Variants in CAST observed in about 807,000 individuals in gnomAD.
The protein encoded by CAST is calpastatin.
A neutral mutation model predicts 119.6 loss-of-function variants in CAST; 76 were observed. The ratio of observed to expected loss-of-function variants is 0.64; its 90% CI spans 0.53 to 0.77. The LOEUF (loss-of-function observed/expected upper bound fraction) is 0.77, where lower values mean the gene tolerates loss of function less well. Among genes scored for constraint, CAST ranks in the 30% least tolerant of loss-of-function variants. The pLI is 0.00. For synonymous variants in CAST, 319 were observed against 331.6 expected (o/e 0.96, Z 0.41); for missense variants, 953 against 946.5 (o/e 1.01, Z -0.09).
At chr5:96,279,005 A>C in the CAST span, among the ~76,000 whole-genome samples, 2 of 152,274 alleles carry the variant, frequency 1.3e-5, no homozygotes, top group Non-Finnish European at 2.9e-5. Flanking sequence ...TATTAATGCT[A>C]TATCAGAAGG....
intron 1 of CAST, among the ~76,000 whole-genome samples, chr5:96,603,723 GTAT>G (rs1303503646): frequency 8.2e-5 from 12 of 145,476 alleles, no homozygotes; most frequent in Non-Finnish European, 1.5e-4. Context: ...TCATTATCAA[GTAT>G]TATGTACTGT....
the CAST span, among the ~76,000 whole-genome samples, chr5:96,086,476 A>G: frequency 6.6e-6 from 1 of 152,234 alleles, no homozygotes; most frequent in South Asian, 2.1e-4. Context: ...AATCTTTACC[A>G]GGGTGCATTG....
chr5:96,386,588 G>A, the CAST span, among the ~76,000 whole-genome samples: 1 of 152,146 alleles, frequency 6.6e-6, no homozygotes, highest in African/African-American at 2.4e-5. Flanking sequence ...TCTAAAGTCC[G>A]TTTTGTTTTC....
At chr5:96,120,750 A>G in the CAST span, among the ~76,000 whole-genome samples, 1 of 148,440 alleles carries the variant, frequency 6.7e-6, no homozygotes, top group Non-Finnish European at 1.5e-5. Context: ...AATAATATAC[A>G]TACATATATA....
rs534791326 is a variant in CAST at position 96,619,021 on chromosome 5, A to G, written c.61-56518A>G. 5.3e-5 allele frequency among the ~76,000 whole-genome samples: 8 copies of G among 152,328 alleles called. No individual in the cohort carries two copies. The East Asian group carries it at 1.5e-3, about 29-fold the overall frequency. On this transcript the variant is annotated intron_variant, in intron 1 of 11. Coordinates refer to the CAST transcript ENST00000505143. ...TATCTAGCTTGGGGTTCATGGATGC[A>G]TCAGTCAGCACTCTGTGTCTAGCTA...
At chr5:96,245,378 A>G in the CAST span, among the ~76,000 whole-genome samples, 1 of 152,220 alleles carries the variant, frequency 6.6e-6, no homozygotes, top group Non-Finnish European at 1.5e-5. Context: ...CTATAGTCAA[A>G]GCTGGCAACC....
intron 2 of CAST, among the ~76,000 whole-genome samples, chr5:96,676,913 G>T (rs946263274): frequency 6.6e-6 from 1 of 151,568 alleles, no homozygotes; most frequent in Non-Finnish European, 1.5e-5. Flanking sequence ...AATTATCTGG[G>T]CGTGGTGGTG....
At chr5:96,187,308 G>T in the CAST span, among the ~76,000 whole-genome samples, 3 of 151,620 alleles carry the variant, frequency 2.0e-5, no homozygotes, top group African/African-American at 7.3e-5. Context: ...CTCCTGATTT[G>T]TTGATTTTTG....
At chr5:96,696,401 T>TG (rs1404394570) in intron 3 of CAST, 1 of 152,240 alleles carries the variant, frequency 6.6e-6, no homozygotes, top group African/African-American at 2.4e-5. Context: ...GCCAGTAAGA[T>TG]GGAGATAGGG....
the CAST span, among the ~76,000 whole-genome samples, chr5:96,331,304 T>C: frequency 6.6e-6 from 1 of 152,186 alleles, no homozygotes. Context: ...TCTTGTTCCC[T>C]TTCTTACACA....
chr5:96,451,565 T>C, the CAST span, among the ~76,000 whole-genome samples: 2 of 152,192 alleles, frequency 1.3e-5, no homozygotes, highest in Non-Finnish European at 2.9e-5. Flanking sequence ...GGCAATACCA[T>C]TCAGGACATA....
At chr5:96,395,664 A>T in the CAST span, among the ~76,000 whole-genome samples, 2 of 152,162 alleles carry the variant, frequency 1.3e-5, no homozygotes, top group African/African-American at 4.8e-5. Flanking sequence ...AAGGGGAGGG[A>T]TAGCATTAGG....
chr5:96,754,918 A>C, intron 22 of CAST, 177 bp downstream of exon 22: 1 of 442,724 alleles, frequency 2.3e-6, no homozygotes. Flanking sequence ...AAGCTAAAAT[A>C]TTCCTAAGTA....
chr5:96,560,101 A>G (rs1161266915), intron 1 of CAST, among the ~76,000 whole-genome samples: 2 of 151,858 alleles, frequency 1.3e-5, no homozygotes, highest in East Asian at 1.9e-4. Flanking sequence ...AACAAGAAAT[A>G]GGGAAAGGAT....
At chr5:96,175,642 CGTT>C in the CAST span, among the ~76,000 whole-genome samples, 2 of 152,124 alleles carry the variant, frequency 1.3e-5, no homozygotes, top group Non-Finnish European at 2.9e-5. Context: ...AAAAGCGTGA[CGTT>C]GTTGCTGTGA....
the CAST span, among the ~76,000 whole-genome samples, chr5:96,412,107 G>A: frequency 6.6e-5 from 10 of 152,156 alleles, no homozygotes; most frequent in Non-Finnish European, 8.8e-5. Context: ...CTTGGCCATC[G>A]CGCCTGGCCA....
chr5:96,254,150 G>T, the CAST span, among the ~76,000 whole-genome samples: 7 of 152,112 alleles, frequency 4.6e-5, no homozygotes, highest in African/African-American at 1.7e-4. Context: ...AATTTAGGGT[G>T]AGAGACAAAA....
chr5:96,034,454 A>G, the CAST span, among the ~76,000 whole-genome samples: 1 of 77,080 alleles, frequency 1.3e-5, no homozygotes, highest in Non-Finnish European at 3.3e-5. Flanking sequence ...ACTACTGGGT[A>G]TATATCATAC....
the CAST span, among the ~76,000 whole-genome samples, chr5:96,270,415 T>C: frequency 3.3e-5 from 5 of 151,966 alleles, no homozygotes; most frequent in Non-Finnish European, 5.9e-5. Flanking sequence ...GAGAAAGAAA[T>C]AAAGGGCATC....
Sources: allele counts gnomAD v4.1 joint callset (sites outside exome capture counted in the v4.1 genomes callset), GRCh38; gene constraint gnomAD v4.1.1; transcripts MANE v1.5; gene names NCBI Gene and HGNC (gene_info 2026-07-23, HGNC 2026-07-21).